Variants in ADGRG2 observed in about 807,000 individuals in gnomAD.
ADGRG2 encodes adhesion G protein-coupled receptor G2, also known as G protein-coupled receptor 64.
ADGRG2 carries 26 observed loss-of-function variants against 74.1 expected under a neutral mutation model. That is an observed-to-expected ratio of 0.35 (90% confidence interval 0.26 to 0.49). ADGRG2 has a LOEUF of 0.49. Ranked by LOEUF, ADGRG2 falls within the 20% of genes least tolerant of loss-of-function variation. The pLI, the probability that ADGRG2 is intolerant of heterozygous loss-of-function variation, is 0.99. For synonymous variants in ADGRG2, 296 were observed against 295.2 expected (o/e 1.00, Z -0.03); for missense variants, 619 against 763.1 (o/e 0.81, Z 2.22).
intron 1 of ADGRG2, among the ~76,000 whole-genome samples, chrX:19,090,421 A>G (rs934423017): frequency 8.9e-6 from 1 of 112,080 alleles, no homozygotes; most frequent in African/African-American, 3.2e-5. Context: ...GTTAAGAGGC[A>G]TGGTTTAAGA....
At chrX:19,035,880 C>T in intron 7 of ADGRG2, 62 bp downstream of exon 7, 1 of 608,072 alleles carries the variant, frequency 1.6e-6, no homozygotes, top group South Asian at 2.9e-5. Flanking sequence ...GTAGACTGCA[C>T]AAGCAAGACA....
intron 15 of ADGRG2, among the ~76,000 whole-genome samples, chrX:19,015,302 T>C (rs1307852472): frequency 3.6e-5 from 4 of 112,254 alleles, no homozygotes; most frequent in Non-Finnish European, 7.5e-5. Flanking sequence ...GTCACATCTA[T>C]AAAAAGAAAA....
rs2146592401 is a variant in ADGRG2 at position 19,014,214 on chromosome X, T to A, written c.711-140A>T. The A allele has an allele frequency of 1.0e-5, 5 of 482,405 alleles. No homozygotes were observed. In the South Asian group the frequency reaches 1.7e-4, roughly 17 times the overall value. The allele number at this position is 482,405 out of a possible 1,213,427, so 39.8% of individuals were successfully genotyped here. On this transcript the variant is annotated intron_variant, in intron 15 of 28. Transcript: ENST00000379869. ...ACATGACACTTCCAGCCTCTGCCAT[T>A]TCACACCCTCTGTGCACCTGCCACT...
chrX:19,019,676 CA>C lies in ADGRG2; in HGVS notation c.644-12del. 1 of 1,087,052 alleles carries C rather than the reference CA, an allele frequency of 9.2e-7. No individual in the cohort carries two copies. The highest frequency in any genetic ancestry group is 1.3e-6 in the Non-Finnish European group (1 of 787,948). 89.6% of individuals were successfully genotyped at this position (1,087,052 alleles called of 1,213,427 possible). The stretch of plus-strand genomic sequence containing the variant: ...AACAGCAGCAGTGTTCTAGGAGAGA[CA>C]AAAGGAAAAGGAGTAAGAAAAATGC... On this transcript the variant is annotated splice_polypyrimidine_tract_variant and intron_variant, in intron 14 of 28. Transcript: ENST00000379869.
chrX:19,088,061 C>A (rs183180773), intron 1 of ADGRG2, among the ~76,000 whole-genome samples: 183 of 111,723 alleles, frequency 1.6e-3, no homozygotes, highest in African/African-American at 5.4e-3. Flanking sequence ...GAGGCAACCA[C>A]CAACTCTCTA....
intron 24 of ADGRG2, among the ~76,000 whole-genome samples, chrX:19,002,059 A>G (rs2060141346): frequency 9.0e-6 from 1 of 111,417 alleles, no homozygotes; most frequent in Non-Finnish European, 1.9e-5. Flanking sequence ...CTGCCTGAGC[A>G]AAACCACTGG....
chrX:19,062,933 T>C (rs1351452465), intron 3 of ADGRG2, among the ~76,000 whole-genome samples: 1 of 109,244 alleles, frequency 9.2e-6, no homozygotes, highest in African/African-American at 3.4e-5. Context: ...ATTATAACCA[T>C]CTTCCACTAT....
chrX:19,001,177 C>G (rs139427235), intron 24 of ADGRG2, among the ~76,000 whole-genome samples: 60 of 111,485 alleles, frequency 5.4e-4, no homozygotes, highest in African/African-American at 1.8e-3. Flanking sequence ...CTGGCTGATC[C>G]AGGGGGTGGT....
chrX:19,044,928 T>C (rs148240446), intron 3 of ADGRG2, among the ~76,000 whole-genome samples: 1,709 of 112,015 alleles, frequency 0.015, 36 homozygotes, highest in African/African-American at 0.053. Context: ...TTTGCAAATG[T>C]GATGAACACT....
intron 20 of ADGRG2, 139 bp from the exon 21 acceptor site, chrX:19,006,404 T>G: frequency 2.1e-6 from 1 of 484,093 alleles, no homozygotes; most frequent in East Asian, 3.5e-5. Flanking sequence ...TTTAGAGAGT[T>G]CTTATTTTAT....
intron 3 of ADGRG2, among the ~76,000 whole-genome samples, chrX:19,060,706 C>T (rs772802914): frequency 9.1e-6 from 1 of 110,353 alleles, no homozygotes; most frequent in South Asian, 3.9e-4. Context: ...CACCACCACA[C>T]TCGGCTAATT....
chrX:19,076,157 G>T (rs931002985), intron 2 of ADGRG2, among the ~76,000 whole-genome samples: 5 of 112,104 alleles, frequency 4.5e-5, no homozygotes, highest in African/African-American at 9.7e-5. Flanking sequence ...GGGTCTGGGG[G>T]TACGTACACC....
At chrX:19,055,296 G>A (rs769789998) in intron 3 of ADGRG2, among the ~76,000 whole-genome samples, 2 of 111,660 alleles carry the variant, frequency 1.8e-5, no homozygotes, top group African/African-American at 6.5e-5. Context: ...GCGCGCGCAC[G>A]CGCGTGCACG....
chrX:19,036,040 C>G (rs1330539264), intron 6 of ADGRG2, 63 bp from the exon 7 acceptor site: 4 of 543,539 alleles, frequency 7.4e-6, no homozygotes, highest in African/African-American at 7.1e-5. Context: ...GTGTGTCTTC[C>G]TAGGTTCCTT....
rs756546655 is a variant in ADGRG2, at chrX:18,990,787, C to T, written c.*77G>A. 1.1e-4 allele frequency: 74 copies of T among 684,664 alleles called. No individual in the cohort carries two copies. Among genetic ancestry groups the T allele is most frequent in the Non-Finnish European group, 1.5e-4 (70 of 469,198 alleles). The allele number at this position is 684,664 out of a possible 1,213,427, so 56.4% of individuals were successfully genotyped here. ...AGAATAAAATGAGTTGATTTTCATA[C>T]ATCTCACATTGTGTAAAAGGTAAAA... On this transcript the variant is annotated 3_prime_UTR_variant, in exon 29 of 29. Transcript: ENST00000379869.
chrX:19,027,181 G>C, intron 11 of ADGRG2, 38 bp downstream of exon 11: 1 of 902,945 alleles, frequency 1.1e-6, no homozygotes. Flanking sequence ...TTCCATAGTT[G>C]ATGTCTGCAG....
At chrX:19,077,462 C>T (rs954851393) in intron 2 of ADGRG2, among the ~76,000 whole-genome samples, 1 of 101,779 alleles carries the variant, frequency 9.8e-6, no homozygotes, top group South Asian at 4.6e-4. Context: ...TGCAGTGAGC[C>T]GAGATTGCGC....
At chrX:19,028,599 AAAG>A (rs1441046462) in intron 9 of ADGRG2, among the ~76,000 whole-genome samples, 1 of 110,963 alleles carries the variant, frequency 9.0e-6, no homozygotes, top group African/African-American at 3.3e-5. Context: ...AGTCACATTG[AAAG>A]AAGAATTGTC....
chrX:19,072,087 G>T (rs980577360), intron 2 of ADGRG2, among the ~76,000 whole-genome samples: 2 of 111,152 alleles, frequency 1.8e-5, no homozygotes, highest in African/African-American at 6.6e-5. Flanking sequence ...CTGGCCCCCG[G>T]GTCACATGTG....
Sources: allele counts gnomAD v4.1 joint callset (sites outside exome capture counted in the v4.1 genomes callset), GRCh38; gene constraint gnomAD v4.1.1; transcripts MANE v1.5; gene names NCBI Gene and HGNC (gene_info 2026-07-23, HGNC 2026-07-21).